SP4: variants seen among roughly 807,000 people sequenced by gnomAD.
SP4 encodes the protein Sp4 transcription factor, also known as transcription factor Sp4.
A neutral mutation model predicts 72.8 loss-of-function variants in SP4; 19 were observed. That is an observed-to-expected ratio of 0.26 (90% CI 0.18 to 0.38). SP4 has a LOEUF of 0.38. Among genes scored for constraint, SP4 ranks in the 10% least tolerant of loss-of-function variants. SP4 has a pLI of 1.00. For missense variants in SP4, 1,008 were observed against 926.3 expected (o/e 1.09, Z -1.14); for synonymous variants, 395 against 333.1 (o/e 1.19, Z -2.02).
chr7:21,438,483 A>C (rs1214259772), intron 3 of SP4, among the ~76,000 whole-genome samples: 1 of 152,204 alleles, frequency 6.6e-6, no homozygotes, highest in South Asian at 2.1e-4. Flanking sequence ...ATTTCTGTTC[A>C]TTCTTAAATT....
At chr7:21,467,848 GA>G (rs11333862) in intron 3 of SP4, among the ~76,000 whole-genome samples, 40,386 of 151,858 alleles carry the variant, frequency 0.27, 5,585 homozygotes, top group Middle Eastern at 0.5. Context: ...TGTTTTTCCT[GA>G]TCAGTTATAT....
At chr7:21,443,628 A>C (rs10255890) in intron 3 of SP4, among the ~76,000 whole-genome samples, 5,549 of 152,174 alleles carry the variant, frequency 0.036, 364 homozygotes, top group East Asian at 0.26. Context: ...TAGGAACGAG[A>C]TAGTGATCTG....
intron 3 of SP4, among the ~76,000 whole-genome samples, chr7:21,451,329 A>G (rs1454622645): frequency 1.3e-5 from 2 of 152,112 alleles, no homozygotes; most frequent in African/African-American, 4.8e-5. Context: ...GCTGTGACCA[A>G]TTACTATATT....
rs1268522380 is a variant in SP4 at position 21,512,356 on chromosome 7, T to G, written c.*1087T>G. On this transcript the variant is annotated 3_prime_UTR_variant, in exon 6 of 6. Coordinates refer to ENST00000222584, the MANE Select transcript of SP4 (RefSeq NM_003112.5). ...GTCCCATTTTATTTCTAGTGCTATG[T>G]AAGAAGGTAATTAGGAATTATAACA... 6.6e-6 allele frequency: 1 copy of G among 152,560 alleles called. No homozygotes were observed. Among genetic ancestry groups the G allele is most frequent in the Non-Finnish European group, 1.5e-5 (1 of 68,022 alleles). 9.5% of individuals were successfully genotyped at this position (152,560 alleles called of 1,614,324 possible).
intron 3 of SP4, among the ~76,000 whole-genome samples, chr7:21,440,874 ACAACAACAACAACAG>A (rs1783221788): frequency 1.4e-4 from 2 of 14,432 alleles, no homozygotes; most frequent in African/African-American, 1.5e-3. Context: ...AACAACAACA[ACAACAACAACAACAG>A]CAGCAAACAG....
chr7:21,486,667 A>T (rs1178933741), intron 5 of SP4, among the ~76,000 whole-genome samples: 1 of 152,140 alleles, frequency 6.6e-6, no homozygotes, highest in East Asian at 1.9e-4. Context: ...ATGTAATGTG[A>T]TTATCTCATT....
chr7:21,495,033 T>C (rs1163984774), intron 5 of SP4, among the ~76,000 whole-genome samples: 11 of 152,122 alleles, frequency 7.2e-5, no homozygotes, highest in Non-Finnish European at 1.2e-4. Context: ...GAATTAGCCA[T>C]ATGCAAAACC....
At chr7:21,470,154 C>T (rs947837704) in intron 3 of SP4, among the ~76,000 whole-genome samples, 2 of 152,118 alleles carry the variant, frequency 1.3e-5, no homozygotes, top group Non-Finnish European at 2.9e-5. Context: ...TACTGCTGGC[C>T]GAGTTTCGTA....
Position 21,495,908 on chromosome 7 carries a change from C to G in SP4, c.2107+13785C>G, listed in dbSNP as rs905784172. ...AAAATATCCATACATTGGAGTACTACTCCCCAACATAAAGGAATGAATTAT... is the reference window on the plus strand; with the variant it reads ...AAAATATCCATACATTGGAGTACTAGTCCCCAACATAAAGGAATGAATTAT... On this transcript the variant is annotated intron_variant, in intron 5 of 5. Coordinates refer to ENST00000222584, the MANE Select transcript of SP4 (RefSeq NM_003112.5). 5.9e-5 allele frequency among the ~76,000 whole-genome samples: 9 copies of G among 152,146 alleles called. 1 individual carries two copies. The highest frequency in any genetic ancestry group is 2.2e-4 in the African/African-American group (9 of 41,426).
rs2282900 is a variant in SP4 at position 21,500,723 on chromosome 7, T to C, written c.2108-10299T>C. 1.8e-4 allele frequency among the ~76,000 whole-genome samples: 28 copies of C among 152,328 alleles called. No individual in the cohort carries two copies. The East Asian group carries it at 5.0e-3, about 27-fold the overall frequency. On this transcript the variant is annotated intron_variant, in intron 5 of 5. Transcript: ENST00000222584. ...AACAGCAGGGCACGTTTCCCCTCACTATTCTAATCTCCCTGATTCTAGCTA... is the reference window on the plus strand; with the variant it reads ...AACAGCAGGGCACGTTTCCCCTCACCATTCTAATCTCCCTGATTCTAGCTA...
At chr7:21,495,065 CT>C (rs1420183713) in intron 5 of SP4, among the ~76,000 whole-genome samples, 1 of 152,166 alleles carries the variant, frequency 6.6e-6, no homozygotes, top group Non-Finnish European at 1.5e-5. Context: ...TATCTCAAGT[CT>C]TTTACAAAAA....
Position 21,484,573 on chromosome 7 carries a change from C to T in SP4, c.2107+2450C>T, listed in dbSNP as rs1012218673. 2.0e-5 allele frequency among the ~76,000 whole-genome samples: 3 copies of T among 151,840 alleles called. No individual in the cohort carries two copies. In the East Asian group the frequency reaches 5.8e-4, roughly 29 times the overall value. ...TTGAAATCTTTCTGTATAGTATATA[C>T]ACCATTGACGTTGGCAAATATGATT... On this transcript the variant is annotated intron_variant, in intron 5 of 5. Transcript: ENST00000222584.
chr7:21,428,802 A>G lies in SP4; in HGVS notation c.123+10A>G. The G allele has an allele frequency of 6.5e-7, 1 of 1,543,508 alleles. No individual in the cohort carries two copies. The highest frequency in any genetic ancestry group is 8.7e-7 in the Non-Finnish European group (1 of 1,143,984). On this transcript the variant is annotated intron_variant, in intron 2 of 5. Transcript: ENST00000222584. Reference sequence around the variant, plus strand: ...AACCTCAGGCTCCCAGGTAAAAGCAAACAAATTAAAAAAATTCATCACGAC... The same window carrying G: ...AACCTCAGGCTCCCAGGTAAAAGCAGACAAATTAAAAAAATTCATCACGAC...
At chr7:21,446,565 A>G (rs912244807) in intron 3 of SP4, among the ~76,000 whole-genome samples, 1 of 152,094 alleles carries the variant, frequency 6.6e-6, no homozygotes, top group Non-Finnish European at 1.5e-5. Flanking sequence ...ATGTGTGTGT[A>G]GTGTGTTTCG....
At chr7:21,440,491 G>T (rs986149778) in intron 3 of SP4, among the ~76,000 whole-genome samples, 1 of 152,122 alleles carries the variant, frequency 6.6e-6, no homozygotes, top group East Asian at 1.9e-4. Flanking sequence ...ATTTCAGAAA[G>T]CTTTGGTAAA....
intron 3 of SP4, among the ~76,000 whole-genome samples, chr7:21,442,039 T>TG (rs572129886): frequency 2.4e-4 from 6 of 25,060 alleles, no homozygotes; most frequent in African/African-American, 6.3e-4. Context: ...TGTGTGTGTA[T>TG]TTTTTTTTTT....
intron 5 of SP4, among the ~76,000 whole-genome samples, chr7:21,498,902 G>C (rs916525543): frequency 1.3e-5 from 2 of 151,832 alleles, no homozygotes; most frequent in Non-Finnish European, 2.9e-5. Context: ...TGGCTAACAC[G>C]GTGAAACCCT....
intron 3 of SP4, among the ~76,000 whole-genome samples, chr7:21,460,970 C>G (rs1783953402): frequency 1.3e-5 from 2 of 152,120 alleles, no homozygotes; most frequent in African/African-American, 4.8e-5. Flanking sequence ...CTAGACACAG[C>G]TGATTGGTGC....
chr7:21,464,201 G>A (rs1472915055), intron 3 of SP4, among the ~76,000 whole-genome samples: 5 of 143,384 alleles, frequency 3.5e-5, no homozygotes, highest in East Asian at 2.1e-4. Context: ...GGTTCATGCC[G>A]TTCTCCTGCC....
Sources: allele counts gnomAD v4.1 joint callset (sites outside exome capture counted in the v4.1 genomes callset), GRCh38; gene constraint gnomAD v4.1.1; transcripts MANE v1.5; gene names NCBI Gene and HGNC (gene_info 2026-07-23, HGNC 2026-07-21).